TNFRSF1A: variants seen among roughly 807,000 people sequenced by gnomAD.
TNFRSF1A encodes TNF receptor superfamily member 1A, also known as tumor necrosis factor receptor superfamily member 1A.
A neutral mutation model predicts 41.6 loss-of-function variants in TNFRSF1A; 9 were observed. That is an observed-to-expected ratio of 0.22 (90% confidence interval 0.13 to 0.38). TNFRSF1A has a LOEUF of 0.38. Ranked by LOEUF, TNFRSF1A falls within the 10% of genes least tolerant of loss-of-function variation. The probability of loss-of-function intolerance (pLI) is 1.00; values close to 1 mark genes in which losing one functional copy is unlikely to be tolerated. For missense variants in TNFRSF1A, 463 were observed against 591.5 expected (o/e 0.78, Z 2.25); for synonymous variants, 254 against 248.6 (o/e 1.02, Z -0.21).
rs1354945203 is a variant in TNFRSF1A, at chr12:6,341,719, G to A, written c.39+57C>T. ...CGGCCCCCTCCCGGAGAGGGCCCAC[G>A]CCAGCCGGAAGGTGCCTCGCCCACC... is the stretch of plus-strand genomic sequence containing the variant. On this transcript the variant is annotated intron_variant, in intron 1 of 9. Transcript: ENST00000162749. The surrounding 1 kb of genome is among the most constrained non-coding windows in gnomAD (Gnocchi z 4.6). 42 of 1,603,674 alleles carry A rather than the reference G, an allele frequency of 2.6e-5. No homozygotes were observed. The highest frequency in any genetic ancestry group is 3.4e-5 in the Non-Finnish European group (40 of 1,173,722).
intron 8 of TNFRSF1A, 33 bp from the exon 9 acceptor site, chr12:6,330,099 G>T (rs200684446): frequency 6.2e-7 from 1 of 1,612,366 alleles, no homozygotes; most frequent in Non-Finnish European, 8.5e-7. Context: ...GCATTAGTGC[G>T]GCAGCGAAAA....
At chr12:6,329,752 C>G in intron 9 of TNFRSF1A, 26 bp downstream of exon 9, 1 of 1,586,808 alleles carries the variant, frequency 6.3e-7, no homozygotes, top group Non-Finnish European at 8.6e-7. Flanking sequence ...CCAGCCTCCT[C>G]GTCTCCAGCC....
chr12:6,330,006 G>C lies in TNFRSF1A; in HGVS notation c.829C>G (p.Pro277Ala). ...LAPNPSFSPT[P>A]GFTPTLGFSP... is the part of the protein sequence containing the mutation. Reference sequence around the variant, plus strand: ...AAGCCCAGGGTGGGGGTGAAGCCTGGAGTGGGACTGAAGCTTGGGTTTGGG... The same window carrying C: ...AAGCCCAGGGTGGGGGTGAAGCCTGCAGTGGGACTGAAGCTTGGGTTTGGG... The change falls in exon 9 of 10, where the codon CCA becomes GCA. Residue 277 changes from proline to alanine, a missense_variant. By Grantham distance (27) the Pro-to-Ala change is conservative. Transcript: ENST00000162749. The C allele has an allele frequency of 1.2e-6, 2 of 1,607,010 alleles. No individual in the cohort carries two copies. Among genetic ancestry groups the C allele is most frequent in the South Asian group, 2.2e-5 (2 of 90,242 alleles).
At chr12:6,330,399 C>G (rs976497564) in intron 7 of TNFRSF1A, 104 bp from the exon 8 acceptor site, 3 of 1,203,810 alleles carry the variant, frequency 2.5e-6, no homozygotes, top group South Asian at 1.2e-5. Flanking sequence ...GCCTCAGGGC[C>G]TATGTGGCCC....
chr12:6,330,908 C>G lies in TNFRSF1A; in HGVS notation c.570G>C (p.Glu190Asp). The change falls in exon 6 of 10, where the codon GAG becomes GAC. Residue 190 changes from glutamate (E) to aspartate (D), a missense_variant. By Grantham distance (45) the Glu-to-Asp change is conservative (BLOSUM62 2). This residue lies in a region of TNFRSF1A where 149 missense variants were observed against 239.4 expected (regional missense o/e 0.62). Transcript: ENST00000162749. ...VSCSNCKKSL[E>D]CTKLCLPQIE... ...TCTGGGGTAGGCACAACTTCGTGCA[C>G]TCCAGGCTTTTCTTACAGCTAAAAG... 1 of 1,613,588 alleles carries G rather than the reference C, an allele frequency of 6.2e-7. No individual in the cohort carries two copies.
At chr12:6,338,777 G>A (rs1274053308) in intron 1 of TNFRSF1A, among the ~76,000 whole-genome samples, 1 of 151,948 alleles carries the variant, frequency 6.6e-6, no homozygotes, top group African/African-American at 2.4e-5. Flanking sequence ...TGACAAGCAC[G>A]CCCCACCATG....
In TNFRSF1A at chr12:6,333,380, G is replaced by C. The variant is rs199792034; in HGVS notation, c.459C>G (p.Thr153=). ...CFNCSLCLNG[T]VHLSCQEKQN... Reference sequence around the variant, plus strand: ...AGCTGCGCTCACAGGAGAGGTGCACGGTCCCATTGAGGCAGAGGCTGCAAT... The same window carrying C: ...AGCTGCGCTCACAGGAGAGGTGCACCGTCCCATTGAGGCAGAGGCTGCAAT... The change falls in exon 4 of 10, where the codon ACC becomes ACG. Residue 153 remains threonine (T), a synonymous_variant. Coordinates refer to ENST00000162749, the MANE Select transcript of TNFRSF1A (RefSeq NM_001065.4). This position sits in a 1 kb window ranked among gnomAD's most constrained non-coding sequence, Gnocchi z 6.3. 2 of 1,613,680 alleles carry C rather than the reference G, an allele frequency of 1.2e-6. No individual in the cohort carries two copies. Among genetic ancestry groups the C allele is most frequent in the Admixed American group, 1.7e-5 (1 of 59,948 alleles).
intron 5 of TNFRSF1A, among the ~76,000 whole-genome samples, chr12:6,332,830 T>G (rs902146980): frequency 6.6e-6 from 1 of 152,210 alleles, no homozygotes; most frequent in Non-Finnish European, 1.5e-5. Flanking sequence ...TCTACATATC[T>G]GAGTTGGAAG....
At chr12:6,339,749 G>C (rs1378930987) in intron 1 of TNFRSF1A, among the ~76,000 whole-genome samples, 8 of 152,028 alleles carry the variant, frequency 5.3e-5, no homozygotes, top group African/African-American at 1.9e-4. Context: ...CTCTTTGAGA[G>C]CAGCAAAATC....
intron 1 of TNFRSF1A, among the ~76,000 whole-genome samples, chr12:6,340,414 G>A (rs774470572): frequency 6.6e-6 from 1 of 152,140 alleles, no homozygotes; most frequent in Non-Finnish European, 1.5e-5. Flanking sequence ...GCCAGGGGCC[G>A]CCCCCAAACA....
rs561674960 is a variant in TNFRSF1A at position 6,329,454 on chromosome 12, C to A, written c.1226G>T (p.Arg409Leu). The part of the protein sequence containing the change: ...AQYSMLATWR[R>L]RTPRREATLE... Reference sequence around the variant, plus strand: ...CGTGGCCTCGCGCCGCGGCGTGCGCCGCCTCCAGGTCGCCAGCATGCTGTA... The same window carrying A: ...CGTGGCCTCGCGCCGCGGCGTGCGCAGCCTCCAGGTCGCCAGCATGCTGTA... The change falls in exon 10 of 10, where the codon CGG becomes CTG. Residue 409 changes from arginine (R) to leucine (L), a missense_variant. Physicochemically the swap from Arg to Leu is moderately radical, Grantham distance 102 (BLOSUM62 -2). This residue lies in a region of TNFRSF1A where 277 missense variants were observed against 288.8 expected (regional missense o/e 0.96). Coordinates refer to ENST00000162749, the MANE Select transcript of TNFRSF1A (RefSeq NM_001065.4). 14 of 1,589,874 alleles carry A rather than the reference C, an allele frequency of 8.8e-6. 1 individual carries two copies. The South Asian group carries it at 1.6e-4, about 18-fold the overall frequency.
chr12:6,333,617 C>A lies in TNFRSF1A; in HGVS notation c.323-101G>T. ...TGTGTGTCTCTGTAATACACACTCA[C>A]ATCCATGCAGTGTCCCACCAAAACA... On this transcript the variant is annotated intron_variant, in intron 3 of 9. Coordinates refer to ENST00000162749, the MANE Select transcript of TNFRSF1A (RefSeq NM_001065.4). The surrounding 1 kb of genome is among the most constrained non-coding windows in gnomAD (Gnocchi z 6.3). 6.3e-7 allele frequency: 1 copy of A among 1,583,572 alleles called. No homozygotes were observed. The highest frequency in any genetic ancestry group is 2.3e-5 in the East Asian group (1 of 44,062).
Position 6,337,680 on chromosome 12 carries a change from C to T in TNFRSF1A, c.40-3436G>A, listed in dbSNP as rs776455048. On this transcript the variant is annotated intron_variant, in intron 1 of 9. Coordinates refer to ENST00000162749, the MANE Select transcript of TNFRSF1A (RefSeq NM_001065.4). The surrounding 1 kb of genome is among the most constrained non-coding windows in gnomAD (Gnocchi z 4.6). Reference sequence around the variant, plus strand: ...GTGAACTCGAAGCACGTGAACTGACCCTATCTACTTTTGGCTCTTATCATA... The same window carrying T: ...GTGAACTCGAAGCACGTGAACTGACTCTATCTACTTTTGGCTCTTATCATA... 2.6e-5 allele frequency among the ~76,000 whole-genome samples: 4 copies of T among 152,080 alleles called. No individual in the cohort carries two copies. The highest frequency in any genetic ancestry group is 5.9e-5 in the Non-Finnish European group (4 of 68,042).
rs974274196 is a variant in TNFRSF1A, at chr12:6,341,331, C to G, written c.39+445G>C. 3.3e-5 allele frequency among the ~76,000 whole-genome samples: 5 copies of G among 152,304 alleles called. No homozygotes were observed. Among genetic ancestry groups the G allele is most frequent in the Non-Finnish European group, 5.9e-5 (4 of 68,030 alleles). On this transcript the variant is annotated intron_variant, in intron 1 of 9. Coordinates refer to ENST00000162749, the MANE Select transcript of TNFRSF1A (RefSeq NM_001065.4). This position sits in a 1 kb window ranked among gnomAD's most constrained non-coding sequence, Gnocchi z 4.6. ...CTCCACCAAGTTCCACAGGCAGCCT[C>G]GCCTCCCCACGGCCCAACACCCTCC...
intron 5 of TNFRSF1A, among the ~76,000 whole-genome samples, chr12:6,332,184 T>A (rs1388952138): frequency 6.6e-6 from 1 of 151,832 alleles, no homozygotes; most frequent in African/African-American, 2.4e-5. Flanking sequence ...CTCATGCCCG[T>A]AATCCTAGCA....
Position 6,330,250 on chromosome 12 carries a change from C to A in TNFRSF1A, c.768+17G>T. On this transcript the variant is annotated intron_variant, in intron 8 of 9. Coordinates refer to ENST00000162749, the MANE Select transcript of TNFRSF1A (RefSeq NM_001065.4). ...TGGTCAGGGACATTTGGGAGTAACTCTCTCATTTCATCTCACCTCTTTTTC... is the reference window on the plus strand; with the variant it reads ...TGGTCAGGGACATTTGGGAGTAACTATCTCATTTCATCTCACCTCTTTTTC... 1 of 1,614,174 alleles carries A rather than the reference C, an allele frequency of 6.2e-7. No homozygotes were observed. Among genetic ancestry groups the A allele is most frequent in the Non-Finnish European group, 8.5e-7 (1 of 1,180,024 alleles).
intron 7 of TNFRSF1A, 65 bp from the exon 8 acceptor site, chr12:6,330,360 C>T: frequency 1.3e-5 from 20 of 1,507,610 alleles, no homozygotes; most frequent in South Asian, 1.2e-4. Context: ...ACCCTGGACT[C>T]AGCTGGCAGT....
rs74059214 is a variant in TNFRSF1A, at chr12:6,335,611, T to C, written c.40-1367A>G. Among the ~76,000 whole-genome samples the C allele has an allele frequency of 3.2e-3, 493 of 152,326 alleles. 5 individuals are homozygous for C. Among genetic ancestry groups the C allele is most frequent in the African/African-American group, 0.011 (469 of 41,566 alleles). Reference sequence around the variant, plus strand: ...TTCTGGTTTTCCCTGGGCTTCATTTTTTTTTTCTACTATAAGAGACACTTT... The same window carrying C: ...TTCTGGTTTTCCCTGGGCTTCATTTCTTTTTTCTACTATAAGAGACACTTT... On this transcript the variant is annotated intron_variant, in intron 1 of 9. Coordinates refer to ENST00000162749, the MANE Select transcript of TNFRSF1A (RefSeq NM_001065.4).
In TNFRSF1A at chr12:6,329,899, T is replaced by C; in HGVS notation, c.936A>G (p.Arg312=). ...CCCCCTGATAGGGTGGTGCCACCTCTCTGCGGGGAGCCGCAAAGTTGGGAC... is the reference window on the plus strand; with the variant it reads ...CCCCCTGATAGGGTGGTGCCACCTCCCTGCGGGGAGCCGCAAAGTTGGGAC... The part of the protein sequence containing the change: ...GDCPNFAAPR[R]EVAPPYQGAD... Residue 312 remains arginine, a synonymous_variant, in exon 9 of 10, where the codon AGA becomes AGG. Transcript: ENST00000162749. The C allele has an allele frequency of 6.3e-7, 1 of 1,577,876 alleles. No individual in the cohort carries two copies. The highest frequency in any genetic ancestry group is 8.6e-7 in the Non-Finnish European group (1 of 1,160,992).
Sources: gnomAD v4.1 joint callset for allele counts (sites outside exome capture counted in the v4.1 genomes callset) on GRCh38, gnomAD v4.1.1 for gene constraint, gnomAD v4.1.1 regional missense constraint, Gnocchi (gnomAD v3.1) non-coding constraint, MANE v1.5 for transcripts, NCBI Gene and HGNC (gene_info 2026-07-23, HGNC 2026-07-21) for gene names.